Variants in HDAC9 observed in about 807,000 individuals in gnomAD.
HDAC9 encodes MEF-2 interacting transcription repressor (MITR) protein.
Under a neutral mutation model 139.4 loss-of-function variants are expected in HDAC9, and 41 were observed. The observed-to-expected ratio is 0.29, with a 90% confidence interval of 0.23 to 0.38. The LOEUF (loss-of-function observed/expected upper bound fraction) is 0.38. HDAC9 is among the 10% of genes least tolerant of loss of function. The pLI is 1.00. For synonymous variants in HDAC9, 517 were observed against 476.2 expected, an observed-to-expected ratio of 1.09 and a Z score of -1.12; for missense variants, 1,147 against 1,297.0, an observed-to-expected ratio of 0.88 and a Z score of 1.78.
At chr7:18,363,417 T>G (rs1783934792) in intron 1 of HDAC9, among the ~76,000 whole-genome samples, 1 of 152,192 alleles carries the variant, frequency 6.6e-6, no homozygotes, top group African/African-American at 2.4e-5. Context: ...CATTTGCCCA[T>G]TTTTGTAGAA....
intron 1 of HDAC9, among the ~76,000 whole-genome samples, chr7:18,366,035 T>C (rs928181082): frequency 1.3e-5 from 2 of 151,882 alleles, no homozygotes; most frequent in Non-Finnish European, 2.9e-5. Context: ...TAGATTATGG[T>C]TGAAAAATCA....
intron 21 of HDAC9, among the ~76,000 whole-genome samples, chr7:18,873,798 G>T (rs1052404201): frequency 6.6e-6 from 1 of 152,058 alleles, no homozygotes; most frequent in Non-Finnish European, 1.5e-5. Flanking sequence ...ATGAGAAAGG[G>T]GTTTCGGAGC....
At chr7:18,592,167 G>A (rs1182027116) in intron 5 of HDAC9, among the ~76,000 whole-genome samples, 1 of 151,978 alleles carries the variant, frequency 6.6e-6, no homozygotes, top group African/African-American at 2.4e-5. Context: ...AGGAAGATAA[G>A]GGAGGGTAGG....
In HDAC9 at chr7:18,448,332, C is replaced by T. The variant is rs192967012; in HGVS notation, c.-41-47930C>T. Among the ~76,000 whole-genome samples, 812 of 152,230 alleles carry T rather than the reference C, an allele frequency of 5.3e-3. 11 individuals are homozygous for T. The highest frequency in any genetic ancestry group is 9.6e-3 in the Non-Finnish European group (655 of 68,018). ...GAGCAACGTTCAATTTTAGTTTAAT[C>T]CTTAAGAATATGTTCTGCTTATATT... On this transcript the variant is annotated intron_variant, in intron 1 of 3. Coordinates refer to the HDAC9 transcript ENST00000413509.
At chr7:18,265,496 G>C (rs375456985) in intron 2 of HDAC9, among the ~76,000 whole-genome samples, 2 of 152,092 alleles carry the variant, frequency 1.3e-5, no homozygotes, top group East Asian at 3.9e-4. Context: ...TAGAGTTGGG[G>C]TTACAAAGAG....
At chr7:18,812,407 T>C (rs1234243053) in intron 17 of HDAC9, among the ~76,000 whole-genome samples, 1 of 151,998 alleles carries the variant, frequency 6.6e-6, no homozygotes, top group Non-Finnish European at 1.5e-5. Flanking sequence ...TATAAGAAAA[T>C]ATTTTTATTT....
chr7:18,640,862 C>G (rs933568818), intron 8 of HDAC9, among the ~76,000 whole-genome samples: 2 of 152,004 alleles, frequency 1.3e-5, no homozygotes, highest in Non-Finnish European at 2.9e-5. Context: ...TCCTGGTGCC[C>G]TTCAATATAT....
Position 18,296,424 on chromosome 7 carries a change from TTGTG to T in HDAC9, c.-42+5927_-42+5930del, listed in dbSNP as rs60293429. 9.6e-4 allele frequency among the ~76,000 whole-genome samples: 144 copies of T among 150,508 alleles called. 1 individual carries two copies. In the East Asian group the frequency reaches 0.018, roughly 19 times the overall value. On this transcript the variant is annotated intron_variant, in intron 1 of 3. Coordinates refer to the HDAC9 transcript ENST00000413509. Reference sequence around the variant, plus strand: ...ATAACATAATTCATATAGCTCATATTTGTGTGTGTGTGTGTGTGTGTAACTATAA... The same window carrying T: ...ATAACATAATTCATATAGCTCATATTTGTGTGTGTGTGTGTGTAACTATAA...
At chr7:18,485,318 A>G (rs1375737127) in intron 1 of HDAC9, among the ~76,000 whole-genome samples, 1 of 152,060 alleles carries the variant, frequency 6.6e-6, no homozygotes, top group East Asian at 1.9e-4. Flanking sequence ...CTTCTTGTTC[A>G]TTATTTCCAT....
At chr7:18,439,857 T>A (rs1562989071) in intron 1 of HDAC9, among the ~76,000 whole-genome samples, 1 of 152,094 alleles carries the variant, frequency 6.6e-6, no homozygotes, top group Non-Finnish European at 1.5e-5. Context: ...ACACACAAAA[T>A]GTAAAATGTA....
chr7:18,299,450 G>C (rs1011624993), intron 1 of HDAC9, among the ~76,000 whole-genome samples: 1 of 152,048 alleles, frequency 6.6e-6, no homozygotes, highest in African/African-American at 2.4e-5. Flanking sequence ...AATTTAGTCT[G>C]TGTTTAATGA....
At chr7:18,521,619 A>G (rs765271248) in intron 2 of HDAC9, among the ~76,000 whole-genome samples, 45 of 152,172 alleles carry the variant, frequency 3.0e-4, no homozygotes, top group Non-Finnish European at 5.1e-4. Context: ...CACCATATTT[A>G]TTCGTATGCT....
At chr7:18,541,317 A>G (rs1812863735) in intron 2 of HDAC9, among the ~76,000 whole-genome samples, 1 of 151,982 alleles carries the variant, frequency 6.6e-6, no homozygotes, top group African/African-American at 2.4e-5. Context: ...TGACCTTGGC[A>G]GCCCGGTGTG....
At chr7:18,862,434 G>A (rs1346998531) in intron 21 of HDAC9, among the ~76,000 whole-genome samples, 1 of 152,172 alleles carries the variant, frequency 6.6e-6, no homozygotes, top group Non-Finnish European at 1.5e-5. Flanking sequence ...TTACCCAAGT[G>A]GAGGCAGTGC....
At chr7:18,881,270 C>T (rs1343686476) in intron 22 of HDAC9, among the ~76,000 whole-genome samples, 1 of 151,966 alleles carries the variant, frequency 6.6e-6, no homozygotes, top group African/African-American at 2.4e-5. Flanking sequence ...CCAGTTATTA[C>T]AGAGGATAAG....
intron 21 of HDAC9, among the ~76,000 whole-genome samples, chr7:18,859,002 A>G (rs1307772931): frequency 6.6e-6 from 1 of 152,198 alleles, no homozygotes; most frequent in African/African-American, 2.4e-5. Context: ...AGGCAGTGAA[A>G]TTGTCAAGCT....
chr7:18,603,762 T>G (rs559971703), intron 6 of HDAC9, among the ~76,000 whole-genome samples: 45 of 152,252 alleles, frequency 3.0e-4, no homozygotes, highest in African/African-American at 1.0e-3. Flanking sequence ...TAGGTCTGAG[T>G]TTCTGACCTA....
chr7:18,761,463 A>G (rs1789382914), intron 14 of HDAC9, among the ~76,000 whole-genome samples: 1 of 152,238 alleles, frequency 6.6e-6, no homozygotes, highest in Non-Finnish European at 1.5e-5. Flanking sequence ...AAAATGAAAT[A>G]CGGCAAAAGT....
At chr7:18,891,532 T>C (rs1021702059) in intron 22 of HDAC9, among the ~76,000 whole-genome samples, 3 of 152,112 alleles carry the variant, frequency 2.0e-5, no homozygotes, top group Non-Finnish European at 2.9e-5. Context: ...GAACAGTAAA[T>C]CATTGAGTAC....
Sources: gnomAD v4.1 joint callset for allele counts (sites outside exome capture counted in the v4.1 genomes callset) on GRCh38, gnomAD v4.1.1 for gene constraint, MANE v1.5 for transcripts, NCBI Gene and HGNC (gene_info 2026-07-23, HGNC 2026-07-21) for gene names.